Variants in LPP observed in about 807,000 individuals in gnomAD.
LPP encodes LIM domain containing preferred translocation partner in lipoma.
Under a neutral mutation model 60.4 loss-of-function variants are expected in LPP, and 38 were observed. The observed-to-expected ratio is 0.63, with a 90% confidence interval of 0.49 to 0.83. The LOEUF is 0.83. Ranked by LOEUF, LPP falls within the 40% of genes least tolerant of loss-of-function variation. LPP has a pLI of 0.00. For missense variants in LPP, 902 were observed against 783.6 expected (o/e 1.15, Z -1.80); for synonymous variants, 328 against 290.8 (o/e 1.13, Z -1.30).
rs1322195312 is a variant in LPP, at chr3:188,886,727, C to CACACACACAT, written c.*12258_*12267dup. On this transcript the variant is annotated 3_prime_UTR_variant, in exon 12 of 12. Transcript: ENST00000617246. ...AATTGTATTGTCTTCAAAACACACA[C>CACACACACAT]ACACACACATACACACACACACACA... 2 of 174,640 alleles carry CACACACACAT rather than the reference C, an allele frequency of 1.1e-5. No individual in the cohort carries two copies. Among genetic ancestry groups the CACACACACAT allele is most frequent in the East Asian group, 1.8e-4 (2 of 11,360 alleles). The allele number at this position is 174,640 out of a possible 1,614,324, so 10.8% of individuals were successfully genotyped here.
At chr3:188,166,773 C>T (rs1720087619) in intron 1 of LPP, among the ~76,000 whole-genome samples, 1 of 152,040 alleles carries the variant, frequency 6.6e-6, no homozygotes, top group African/African-American at 2.4e-5. Flanking sequence ...GCTGCAAATC[C>T]TGGGATGTTA....
intron 3 of LPP, among the ~76,000 whole-genome samples, chr3:188,389,514 G>A (rs1185113411): frequency 2.0e-5 from 3 of 152,106 alleles, no homozygotes; most frequent in Non-Finnish European, 4.4e-5. Context: ...GGTGGCTCAC[G>A]TCTGTAATCC....
At chr3:188,424,044 G>C (rs1335906759) in intron 4 of LPP, among the ~76,000 whole-genome samples, 2 of 152,100 alleles carry the variant, frequency 1.3e-5, no homozygotes, top group African/African-American at 4.8e-5. Flanking sequence ...CCTATGTCCT[G>C]AATGGTATTG....
intron 3 of LPP, among the ~76,000 whole-genome samples, chr3:188,395,626 T>C (rs1780753593): frequency 6.6e-6 from 1 of 152,150 alleles, no homozygotes; most frequent in African/African-American, 2.4e-5. Context: ...AAAATATTAA[T>C]TCAATAATAG....
At chr3:188,230,773 CAAAAAAA>C (rs760774253) in intron 2 of LPP, among the ~76,000 whole-genome samples, 1 of 106,498 alleles carries the variant, frequency 9.4e-6, no homozygotes, top group Non-Finnish European at 1.9e-5. Context: ...AACTCTGTCT[CAAAAAAA>C]AAAAAAAAGA....
intron 8 of LPP, among the ~76,000 whole-genome samples, chr3:188,713,368 T>C (rs1712392210): frequency 6.6e-6 from 1 of 150,526 alleles, no homozygotes; most frequent in African/African-American, 2.4e-5. Flanking sequence ...GCAAGGCATG[T>C]GTCTTGATTG....
chr3:188,694,163 G>A (rs1862704710), intron 7 of LPP, among the ~76,000 whole-genome samples: 1 of 152,100 alleles, frequency 6.6e-6, no homozygotes, highest in African/African-American at 2.4e-5. Flanking sequence ...TCATGATATG[G>A]TAAGAACCCG....
intron 2 of LPP, among the ~76,000 whole-genome samples, chr3:188,328,145 T>C (rs1758963153): frequency 6.6e-6 from 1 of 152,172 alleles, no homozygotes; most frequent in South Asian, 2.1e-4. Context: ...TTGACAGTTT[T>C]CACATTACCT....
intron 2 of LPP, among the ~76,000 whole-genome samples, chr3:188,277,706 A>T (rs931122562): frequency 9.2e-5 from 14 of 151,942 alleles, no homozygotes; most frequent in Non-Finnish European, 2.9e-5. Context: ...TCCTAAGAAA[A>T]CTCATTCCTT....
chr3:188,392,497 A>G (rs1371520990), intron 3 of LPP, among the ~76,000 whole-genome samples: 1 of 152,174 alleles, frequency 6.6e-6, no homozygotes, highest in Non-Finnish European at 1.5e-5. Flanking sequence ...TGCAATGAGA[A>G]TTAATGTAAA....
chr3:188,230,923 C>T (rs1719708990), intron 2 of LPP, among the ~76,000 whole-genome samples: 1 of 152,142 alleles, frequency 6.6e-6, no homozygotes, highest in Non-Finnish European at 1.5e-5. Flanking sequence ...GGCTGAACTC[C>T]GGGGAAGATC....
intron 8 of LPP, among the ~76,000 whole-genome samples, chr3:188,754,584 A>G (rs1167926891): frequency 6.6e-6 from 1 of 152,164 alleles, no homozygotes; most frequent in Non-Finnish European, 1.5e-5. Context: ...GAGAGTTTTA[A>G]AAGTTTCTCT....
intron 9 of LPP, among the ~76,000 whole-genome samples, chr3:188,771,315 G>A (rs1395575761): frequency 6.6e-6 from 1 of 152,006 alleles, no homozygotes; most frequent in African/African-American, 2.4e-5. Flanking sequence ...TTGGGAGGCC[G>A]AGGTGCACAG....
intron 7 of LPP, among the ~76,000 whole-genome samples, chr3:188,621,152 A>T (rs1447626733): frequency 6.7e-6 from 1 of 149,814 alleles, no homozygotes; most frequent in Non-Finnish European, 1.5e-5. Context: ...AAAAAAAAAG[A>T]GTCGTTTATG....
intron 7 of LPP, among the ~76,000 whole-genome samples, chr3:188,637,579 G>A (rs1849089755): frequency 1.3e-5 from 2 of 150,998 alleles, no homozygotes; most frequent in East Asian, 1.9e-4. Context: ...CCAGGAGCTG[G>A]TTTTTTGAAA....
intron 1 of LPP, among the ~76,000 whole-genome samples, chr3:188,215,293 G>A (rs936178547): frequency 2.0e-5 from 3 of 151,238 alleles, no homozygotes; most frequent in East Asian, 3.9e-4. Flanking sequence ...ATGACAGATC[G>A]AGACCCTGTC....
intron 7 of LPP, among the ~76,000 whole-genome samples, chr3:188,666,351 G>A (rs903180332): frequency 6.6e-6 from 1 of 152,106 alleles, no homozygotes; most frequent in Non-Finnish European, 1.5e-5. Context: ...CATCCTTAAC[G>A]GTGTGGAAGT....
intron 5 of LPP, among the ~76,000 whole-genome samples, chr3:188,498,497 T>C (rs898914691): frequency 1.3e-5 from 2 of 152,212 alleles, no homozygotes; most frequent in Non-Finnish European, 2.9e-5. Flanking sequence ...TCCTCAAAGT[T>C]TATCCATGTT....
At chr3:188,812,859 C>T (rs1751436212) in intron 9 of LPP, among the ~76,000 whole-genome samples, 1 of 151,854 alleles carries the variant, frequency 6.6e-6, no homozygotes, top group Non-Finnish European at 1.5e-5. Flanking sequence ...AAACATCTAA[C>T]ATTCTGGGTA....
Sources: allele counts gnomAD v4.1 joint callset (sites outside exome capture counted in the v4.1 genomes callset), GRCh38; gene constraint gnomAD v4.1.1; transcripts MANE v1.5; gene names NCBI Gene and HGNC (gene_info 2026-07-23, HGNC 2026-07-21).